Variants in SUSD4 observed in about 807,000 individuals in gnomAD.
The protein encoded by SUSD4 is sushi domain-containing protein 4.
In SUSD4, 41 loss-of-function variants were observed where a neutral mutation model predicts 50.5. The ratio of observed to expected loss-of-function variants is 0.81; its 90% CI spans 0.63 to 1.05. SUSD4 has a LOEUF of 1.05. Ranked by LOEUF, SUSD4 falls within the 50% of genes least tolerant of loss-of-function variation. SUSD4 has a pLI of 0.00. For synonymous variants in SUSD4, 257 were observed against 257.3 expected (o/e 1.00, Z 0.01); for missense variants, 580 against 634.7 (o/e 0.91, Z 0.93).
chr1:223,266,825 A>G (rs1662523125), intron 4 of SUSD4, among the ~76,000 whole-genome samples: 1 of 152,220 alleles, frequency 6.6e-6, no homozygotes, highest in South Asian at 2.1e-4. Context: ...AGACTGTCCA[A>G]GGCAACTTCA....
chr1:223,224,864 T>TC (rs201739379), intron 7 of SUSD4, among the ~76,000 whole-genome samples: 127 of 3,458 alleles, frequency 0.037, no homozygotes, highest in Admixed American at 0.12. Flanking sequence ...GTTTCTTCCT[T>TC]TTTTTTTTTT....
rs1659135799 is a variant in SUSD4 at position 223,221,515 on chromosome 1, T to C, written c.*677A>G. The stretch of plus-strand genomic sequence containing the variant: ...TTACCAGAAGACAGCACAGAGTTCA[T>C]GAGCTCTACTTTGTGAAGAAATTTC... On this transcript the variant is annotated 3_prime_UTR_variant, in exon 9 of 9. Transcript: ENST00000366878. 6.2e-6 allele frequency: 1 copy of C among 162,584 alleles called. No individual in the cohort carries two copies. The highest frequency in any genetic ancestry group is 2.4e-5 in the African/African-American group (1 of 41,936). 10.1% of individuals were successfully genotyped at this position (162,584 alleles called of 1,614,324 possible). A position where few individuals can be genotyped will look rare whatever the true frequency, so the allele number is the denominator to read the frequency against.
chr1:223,354,967 T>C (rs941559711), intron 2 of SUSD4, among the ~76,000 whole-genome samples: 4 of 151,202 alleles, frequency 2.6e-5, no homozygotes, highest in Non-Finnish European at 5.9e-5. Context: ...TCTTTCTTTC[T>C]TTTTTTTTGA....
intron 2 of SUSD4, among the ~76,000 whole-genome samples, chr1:223,345,597 G>A (rs902564822): frequency 3.3e-5 from 5 of 152,152 alleles, no homozygotes; most frequent in African/African-American, 7.2e-5. Flanking sequence ...TATAATTACC[G>A]CTGCCCATGA....
rs912311181 is a variant in SUSD4, at chr1:223,231,512, C to T, written c.725-2124G>A. On this transcript the variant is annotated intron_variant, in intron 5 of 8. Transcript: ENST00000366878. The surrounding 1 kb of genome is among the most constrained non-coding windows in gnomAD (Gnocchi z 4.2). ...TCTCTCCTGGGCTGGCAAATGCAGTCACACAACCCCTTGCATTTCCACAAA... is the reference window on the plus strand; with the variant it reads ...TCTCTCCTGGGCTGGCAAATGCAGTTACACAACCCCTTGCATTTCCACAAA... Among the ~76,000 whole-genome samples the T allele has an allele frequency of 2.0e-5, 3 of 152,204 alleles. No homozygotes were observed. The highest frequency in any genetic ancestry group is 2.0e-4 in the Admixed American group (3 of 15,286).
intron 2 of SUSD4, among the ~76,000 whole-genome samples, chr1:223,361,483 T>A (rs953911193): frequency 2.7e-4 from 41 of 151,882 alleles, no homozygotes; most frequent in African/African-American, 9.4e-4. Flanking sequence ...CCTGGCATGA[T>A]CCCCCACAGG....
chr1:223,324,270 A>G (rs758736008), intron 2 of SUSD4, among the ~76,000 whole-genome samples: 14 of 151,076 alleles, frequency 9.3e-5, no homozygotes, highest in Non-Finnish European at 1.8e-4. Flanking sequence ...AGAAAGGAAA[A>G]CAAAACACAG....
intron 2 of SUSD4, among the ~76,000 whole-genome samples, chr1:223,354,580 C>T (rs756240992): frequency 6.6e-6 from 1 of 152,126 alleles, no homozygotes. Context: ...CATCAGCCAC[C>T]AAGTATATGC....
intron 5 of SUSD4, among the ~76,000 whole-genome samples, chr1:223,247,006 T>C (rs2103033837): frequency 6.6e-6 from 1 of 152,318 alleles, no homozygotes; most frequent in South Asian, 2.1e-4. Context: ...TATTATAGAA[T>C]ATTTTAACCT....
rs759863644 is a variant in SUSD4, at chr1:223,363,366, C to T, written c.60G>A (p.Gln20=). The T allele has an allele frequency of 2.5e-6, 4 of 1,595,196 alleles. No individual in the cohort carries two copies. Among genetic ancestry groups the T allele is most frequent in the Non-Finnish European group, 3.4e-6 (4 of 1,171,176 alleles). ...GTCTCTGGGGGGACTGAGGTTGCTG[C>T]TGCTGCTGCTGCTGCTCTAGAAATC... ...GDGFLEQQQQ[Q]QQPQSPQRLL... is the part of the protein sequence containing the mutation. The change falls in exon 2 of 9, where the codon CAG becomes CAA. Residue 20 remains glutamine (Q), a synonymous_variant. Transcript: ENST00000366878.
chr1:223,279,240 G>C (rs567974879), intron 3 of SUSD4, among the ~76,000 whole-genome samples: 1 of 152,350 alleles, frequency 6.6e-6, no homozygotes, highest in African/African-American at 2.4e-5. Context: ...TTGACGAGTT[G>C]AGAGAAGAAG....
chr1:223,324,207 G>A (rs1666744510), intron 2 of SUSD4, among the ~76,000 whole-genome samples: 1 of 149,290 alleles, frequency 6.7e-6, no homozygotes, highest in East Asian at 2.0e-4. Flanking sequence ...GATGAGCTCA[G>A]CCTAGGTACA....
At chr1:223,235,042 A>C (rs1311722566) in intron 5 of SUSD4, 1 of 1,611,474 alleles carries the variant, frequency 6.2e-7, no homozygotes, top group Non-Finnish European at 8.5e-7. Context: ...AAAGCACAGC[A>C]GCTGCCAACC....
In SUSD4 at chr1:223,237,392, C is replaced by T. The variant is rs147788074; in HGVS notation, c.725-8004G>A. ...TAGAACTTCCAGTATGATGCTGAAA[C>T]GGAGTGATGAGAAAGAACATCCTTG... On this transcript the variant is annotated intron_variant, in intron 5 of 8. Coordinates refer to ENST00000366878, the MANE Select transcript of SUSD4 (RefSeq NM_017982.4). 9.2e-5 allele frequency among the ~76,000 whole-genome samples: 14 copies of T among 152,052 alleles called. No homozygotes were observed. In the Middle Eastern group the frequency reaches 0.01, roughly 111 times the overall value.
At chr1:223,299,822 G>A (rs1197842999) in intron 2 of SUSD4, among the ~76,000 whole-genome samples, 1 of 152,070 alleles carries the variant, frequency 6.6e-6, no homozygotes, top group Non-Finnish European at 1.5e-5. Context: ...CCTGCCTTTG[G>A]ACTTGAGCAG....
intron 2 of SUSD4, among the ~76,000 whole-genome samples, chr1:223,333,729 A>G (rs1667304788): frequency 6.6e-6 from 1 of 152,174 alleles, no homozygotes; most frequent in Non-Finnish European, 1.5e-5. Flanking sequence ...GGAGGGGTGC[A>G]GGGCTGAAAG....
chr1:223,266,211 G>A (rs1350668686), intron 4 of SUSD4, among the ~76,000 whole-genome samples: 1 of 151,972 alleles, frequency 6.6e-6, no homozygotes, highest in Admixed American at 6.5e-5. Context: ...ACCCTAAAAG[G>A]TATGGAGCTC....
intron 8 of SUSD4, 92 bp downstream of exon 8, chr1:223,223,157 G>C (rs779413214): frequency 2.6e-4 from 390 of 1,476,228 alleles, no homozygotes; most frequent in Non-Finnish European, 3.2e-4. Context: ...CTCTGTGCTG[G>C]GGGGTGGAGC....
At chr1:223,256,755 G>A (rs1661722266) in intron 5 of SUSD4, among the ~76,000 whole-genome samples, 1 of 152,176 alleles carries the variant, frequency 6.6e-6, no homozygotes, top group Non-Finnish European at 1.5e-5. Context: ...TTTCCATTCT[G>A]TCTGAGGAAA....
Sources: gnomAD v4.1 joint callset for allele counts (sites outside exome capture counted in the v4.1 genomes callset) on GRCh38, gnomAD v4.1.1 for gene constraint, Gnocchi (gnomAD v3.1) non-coding constraint, MANE v1.5 for transcripts, NCBI Gene and HGNC (gene_info 2026-07-23, HGNC 2026-07-21) for gene names.